The following TMEM132D variants were observed in gnomAD, a reference collection of about 807,000 sequenced individuals.
TMEM132D encodes transmembrane protein 132D, also known as mature OL transmembrane protein.
A neutral mutation model predicts 62.3 loss-of-function variants in TMEM132D; 21 were observed. The ratio of observed to expected loss-of-function variants is 0.34; its 90% CI spans 0.24 to 0.49. TMEM132D has a LOEUF of 0.49. Ranked by LOEUF, TMEM132D falls within the 20% of genes least tolerant of loss-of-function variation. The pLI, the probability that TMEM132D is intolerant of heterozygous loss-of-function variation, is 0.99. For missense variants in TMEM132D, 1,346 were observed against 1,402.8 expected (o/e 0.96, Z 0.65); for synonymous variants, 621 against 575.6 (o/e 1.08, Z -1.13).
At chr12:129,158,088 T>C (rs1267861311) in intron 5 of TMEM132D, among the ~76,000 whole-genome samples, 1 of 152,112 alleles carries the variant, frequency 6.6e-6, no homozygotes, top group East Asian at 1.9e-4. Flanking sequence ...GAGAGTGGTT[T>C]GGGAAGGGTA....
intron 5 of TMEM132D, among the ~76,000 whole-genome samples, chr12:129,108,274 C>A (rs1160479094): frequency 1.3e-5 from 2 of 152,172 alleles, no homozygotes; most frequent in East Asian, 3.9e-4. Flanking sequence ...CACATCGTGG[C>A]CACTGGCTTC....
At chr12:129,214,356 G>A (rs1879144025) in intron 4 of TMEM132D, among the ~76,000 whole-genome samples, 1 of 152,176 alleles carries the variant, frequency 6.6e-6, no homozygotes, top group Non-Finnish European at 1.5e-5. Flanking sequence ...ATTTATTCAT[G>A]TTGACCTTTG....
At chr12:129,662,883 A>C (rs1880278916) in intron 2 of TMEM132D, among the ~76,000 whole-genome samples, 2 of 151,998 alleles carry the variant, frequency 1.3e-5, no homozygotes, top group Admixed American at 1.3e-4. Context: ...ACTTCAACAC[A>C]GTGTTTTAAC....
At chr12:129,311,467 C>T (rs1004733297) in intron 4 of TMEM132D, among the ~76,000 whole-genome samples, 1 of 152,092 alleles carries the variant, frequency 6.6e-6, no homozygotes, top group African/African-American at 2.4e-5. Flanking sequence ...TGAATGCCCA[C>T]AATGTTCCAG....
At chr12:129,674,407 C>T (rs2137202356) in intron 2 of TMEM132D, among the ~76,000 whole-genome samples, 1 of 152,324 alleles carries the variant, frequency 6.6e-6, no homozygotes, top group South Asian at 2.1e-4. Flanking sequence ...TATTTATCCT[C>T]ACCAAAGTAA....
intron 5 of TMEM132D, among the ~76,000 whole-genome samples, chr12:129,164,090 G>A (rs184588647): frequency 3.9e-5 from 6 of 152,204 alleles, no homozygotes; most frequent in Admixed American, 2.0e-4. Flanking sequence ...TATGCAGCTC[G>A]ATTTATATGC....
At chr12:129,082,829 A>C in intron 6 of TMEM132D, among the ~76,000 whole-genome samples, 1 of 152,186 alleles carries the variant, frequency 6.6e-6, no homozygotes, top group East Asian at 1.9e-4. Context: ...TGCTGGACTC[A>C]AGCAATCCTT....
At chr12:129,505,974 C>T (rs1304941441) in intron 3 of TMEM132D, among the ~76,000 whole-genome samples, 1 of 152,186 alleles carries the variant, frequency 6.6e-6, no homozygotes, top group East Asian at 1.9e-4. Context: ...TTCTTATCCA[C>T]TCTGTGAGTC....
At chr12:129,809,886 AAAG>A (rs1317227672) in intron 1 of TMEM132D, among the ~76,000 whole-genome samples, 2 of 152,214 alleles carry the variant, frequency 1.3e-5, no homozygotes, top group Non-Finnish European at 2.9e-5. Flanking sequence ...AATCTGGAGA[AAAG>A]AAATATTTCT....
intron 1 of TMEM132D, among the ~76,000 whole-genome samples, chr12:129,885,340 A>C (rs542383742): frequency 1.7e-4 from 26 of 152,358 alleles, no homozygotes; most frequent in African/African-American, 6.3e-4. Context: ...GTGTAGCCAG[A>C]GTGCAGAATC....
In TMEM132D at chr12:129,130,862, A is replaced by T. The variant is rs370302721; in HGVS notation, c.1444-46160T>A. ...TGCTTCGATGCTGACCAAAAATAAG[A>T]TTATGTAGTAGCTTAGCCCACCAAG... On this transcript the variant is annotated intron_variant, in intron 5 of 8. Transcript: ENST00000422113. Among the ~76,000 whole-genome samples, 42 of 152,330 alleles carry T rather than the reference A, an allele frequency of 2.8e-4. No homozygotes were observed. The South Asian group carries it at 8.7e-3, about 32-fold the overall frequency.
intron 2 of TMEM132D, among the ~76,000 whole-genome samples, chr12:129,602,464 GA>G (rs372894736): frequency 0.028 from 4,089 of 145,008 alleles, 80 homozygotes; most frequent in South Asian, 0.11. Context: ...AGAGAAAAGA[GA>G]AAAAAAAAAC....
intron 2 of TMEM132D, among the ~76,000 whole-genome samples, chr12:129,561,448 A>G (rs1265459494): frequency 1.3e-5 from 2 of 152,232 alleles, no homozygotes; most frequent in African/African-American, 4.8e-5. Context: ...TCTTCATAGC[A>G]GAGGGCTCAG....
At chr12:129,862,026 C>A (rs917080998) in intron 1 of TMEM132D, among the ~76,000 whole-genome samples, 13 of 152,126 alleles carry the variant, frequency 8.5e-5, no homozygotes, top group Non-Finnish European at 1.8e-4. Context: ...CCTCCCTAGT[C>A]CTCTGCCCAC....
intron 2 of TMEM132D, among the ~76,000 whole-genome samples, chr12:129,605,259 G>A (rs1316667222): frequency 7.2e-5 from 11 of 152,092 alleles, no homozygotes; most frequent in Non-Finnish European, 1.5e-4. Flanking sequence ...AAACTGATGT[G>A]CACTTGTGGG....
intron 2 of TMEM132D, among the ~76,000 whole-genome samples, chr12:129,578,233 G>A (rs754425728): frequency 1.6e-4 from 24 of 151,974 alleles, no homozygotes; most frequent in Admixed American, 3.3e-4. Context: ...TCAGGCCTTC[G>A]GACTCAGAAT....
rs560246552 is a variant in TMEM132D, at chr12:129,665,712, T to C, written c.968+34098A>G. On this transcript the variant is annotated intron_variant, in intron 2 of 8. Coordinates refer to ENST00000422113, the MANE Select transcript of TMEM132D (RefSeq NM_133448.3). ...GCTATGTCACCTTTTTCTACCTATC[T>C]CGTAGGTACTTTATATTAACTTTTA... is the stretch of plus-strand genomic sequence containing the variant. Among the ~76,000 whole-genome samples the C allele has an allele frequency of 4.6e-5, 7 of 152,248 alleles. No individual in the cohort carries two copies. In the South Asian group the frequency reaches 1.5e-3, roughly 32 times the overall value.
At chr12:129,118,703 G>A (rs1875968238) in intron 5 of TMEM132D, among the ~76,000 whole-genome samples, 5 of 152,126 alleles carry the variant, frequency 3.3e-5, no homozygotes, top group Admixed American at 3.3e-4. Flanking sequence ...TAGATTAATG[G>A]CCATGAAATG....
intron 3 of TMEM132D, among the ~76,000 whole-genome samples, chr12:129,523,399 C>A (rs919494034): frequency 3.9e-5 from 6 of 152,126 alleles, no homozygotes; most frequent in African/African-American, 1.4e-4. Flanking sequence ...TTGATGAACA[C>A]CAGCAAATGG....
Sources: allele counts gnomAD v4.1 joint callset (sites outside exome capture counted in the v4.1 genomes callset), GRCh38; gene constraint gnomAD v4.1.1; transcripts MANE v1.5; gene names NCBI Gene and HGNC (gene_info 2026-07-23, HGNC 2026-07-21).